Variants in GNA14 observed in about 807,000 individuals in gnomAD.
GNA14 encodes G protein subunit alpha 14.
A neutral mutation model predicts 42.0 loss-of-function variants in GNA14; 50 were observed. The ratio of observed to expected loss-of-function variants is 1.19; its 90% CI spans 0.95 to 1.51. GNA14 has a LOEUF of 1.51. GNA14 is among the 40% of genes most tolerant of loss of function. GNA14 has a pLI of 0.00. For synonymous variants in GNA14, 173 were observed against 163.1 expected (o/e 1.06, Z -0.46); for missense variants, 473 against 446.2 (o/e 1.06, Z -0.54).
At chr9:77,631,543 G>C (rs1044143806) in intron 1 of GNA14, among the ~76,000 whole-genome samples, 1 of 150,210 alleles carries the variant, frequency 6.7e-6, no homozygotes, top group African/African-American at 2.5e-5. Flanking sequence ...AAATCTGAAA[G>C]TTTAGGAAGC....
intron 2 of GNA14, among the ~76,000 whole-genome samples, chr9:77,470,620 C>T (rs1836314112): frequency 6.6e-6 from 1 of 152,126 alleles, no homozygotes; most frequent in Non-Finnish European, 1.5e-5. Context: ...CATTAGAATA[C>T]TATAATTGGA....
chr9:77,552,140 AAAAAAAG>A (rs1394353993), intron 1 of GNA14, among the ~76,000 whole-genome samples: 6 of 151,420 alleles, frequency 4.0e-5, no homozygotes, highest in Non-Finnish European at 7.4e-5. Context: ...AAAAAAAAAA[AAAAAAAG>A]AAAAAGAAAG....
intron 2 of GNA14, among the ~76,000 whole-genome samples, chr9:77,491,693 C>T (rs917693930): frequency 6.6e-6 from 1 of 152,176 alleles, no homozygotes; most frequent in Non-Finnish European, 1.5e-5. Context: ...AAGGGAGAGA[C>T]AGATTGCAAT....
At chr9:77,556,994 C>A (rs959765997) in intron 1 of GNA14, among the ~76,000 whole-genome samples, 2 of 152,044 alleles carry the variant, frequency 1.3e-5, no homozygotes, top group Admixed American at 1.3e-4. Flanking sequence ...ATTTTTCCAC[C>A]CCACACAGCA....
intron 1 of GNA14, among the ~76,000 whole-genome samples, chr9:77,570,319 T>C (rs1823041391): frequency 6.6e-6 from 1 of 152,158 alleles, no homozygotes; most frequent in African/African-American, 2.4e-5. Context: ...ATCACCACAA[T>C]CTCATTTTAG....
chr9:77,619,323 C>G (rs1320979747), intron 1 of GNA14, among the ~76,000 whole-genome samples: 1 of 152,172 alleles, frequency 6.6e-6, no homozygotes, highest in African/African-American at 2.4e-5. Context: ...TGTCCTGCCT[C>G]AGCCTCCTGA....
chr9:77,615,625 TTCATCAACATGTTTA>T (rs912771533), intron 1 of GNA14, among the ~76,000 whole-genome samples: 13 of 151,910 alleles, frequency 8.6e-5, no homozygotes, highest in Admixed American at 3.9e-4. Context: ...TTTTTGTCTT[TTCATCAACATGTTTA>T]TCATCATACA....
chr9:77,610,447 CAG>C (rs1823712036), intron 1 of GNA14, among the ~76,000 whole-genome samples: 1 of 152,144 alleles, frequency 6.6e-6, no homozygotes, highest in Non-Finnish European at 1.5e-5. Context: ...GTTGAAGAGA[CAG>C]AGGCAAAATC....
At chr9:77,503,471 C>A (rs1837007581) in intron 2 of GNA14, among the ~76,000 whole-genome samples, 1 of 152,112 alleles carries the variant, frequency 6.6e-6, no homozygotes, top group African/African-American at 2.4e-5. Flanking sequence ...TATGGAGGAA[C>A]TTGCTAAATG....
chr9:77,461,216 G>A (rs1251463797), intron 2 of GNA14, among the ~76,000 whole-genome samples: 1 of 152,188 alleles, frequency 6.6e-6, no homozygotes, highest in Non-Finnish European at 1.5e-5. Context: ...TCCAAAGTGA[G>A]CTCCTCAGAC....
intron 1 of GNA14, among the ~76,000 whole-genome samples, chr9:77,550,495 T>C (rs1228680930): frequency 6.6e-6 from 1 of 152,148 alleles, no homozygotes; most frequent in East Asian, 1.9e-4. Context: ...CCCAGGACAA[T>C]TGGGAGTAAT....
intron 1 of GNA14, among the ~76,000 whole-genome samples, chr9:77,537,272 A>G (rs1159922773): frequency 6.6e-6 from 1 of 151,880 alleles, no homozygotes; most frequent in Non-Finnish European, 1.5e-5. Flanking sequence ...TTATTATTCT[A>G]TTCTCGGCTC....
At chr9:77,441,166 A>C (rs959639363) in intron 2 of GNA14, among the ~76,000 whole-genome samples, 3 of 152,170 alleles carry the variant, frequency 2.0e-5, no homozygotes, top group Non-Finnish European at 2.9e-5. Flanking sequence ...TCCCCACCCA[A>C]ATGTCATCCT....
intron 2 of GNA14, among the ~76,000 whole-genome samples, chr9:77,490,766 T>A (rs1406638330): frequency 6.6e-6 from 1 of 152,128 alleles, no homozygotes; most frequent in African/African-American, 2.4e-5. Flanking sequence ...CGCCTCTCCC[T>A]CCACACCTCC....
At chr9:77,618,649 T>C (rs1823872620) in intron 1 of GNA14, among the ~76,000 whole-genome samples, 1 of 110,176 alleles carries the variant, frequency 9.1e-6, no homozygotes, top group South Asian at 3.1e-4. Flanking sequence ...TTTTTTTTTT[T>C]TTGAGACGGA....
intron 1 of GNA14, among the ~76,000 whole-genome samples, chr9:77,581,039 A>C (rs994200396): frequency 1.4e-5 from 2 of 138,506 alleles, no homozygotes; most frequent in Non-Finnish European, 1.5e-5. Flanking sequence ...CACACACACA[A>C]TAGTACCCAC....
intron 2 of GNA14, among the ~76,000 whole-genome samples, chr9:77,444,229 T>A (rs928662851): frequency 6.6e-6 from 1 of 152,210 alleles, no homozygotes; most frequent in Non-Finnish European, 1.5e-5. Flanking sequence ...GAAGGACGCA[T>A]CCACTTTCCG....
At chr9:77,437,747 C>T (rs537397218) in intron 2 of GNA14, among the ~76,000 whole-genome samples, 1 of 152,270 alleles carries the variant, frequency 6.6e-6, no homozygotes, top group Admixed American at 6.5e-5. Context: ...AAGATGGCGC[C>T]TCCATCACCC....
intron 2 of GNA14, among the ~76,000 whole-genome samples, chr9:77,506,850 T>C (rs1004903135): frequency 6.6e-5 from 10 of 152,160 alleles, no homozygotes; most frequent in African/African-American, 2.4e-4. Context: ...GAAAACAAAT[T>C]AGTGCTCATT....
Sources: allele counts gnomAD v4.1 joint callset (sites outside exome capture counted in the v4.1 genomes callset), GRCh38; gene constraint gnomAD v4.1.1; transcripts MANE v1.5; gene names NCBI Gene and HGNC (gene_info 2026-07-23, HGNC 2026-07-21).